The following LRRC7 variants were observed in gnomAD, a reference collection of about 807,000 sequenced individuals.
LRRC7 encodes the protein leucine rich repeat containing 7.
Under a neutral mutation model 175.7 loss-of-function variants are expected in LRRC7, and 23 were observed. That is an observed-to-expected ratio of 0.13 (90% CI 0.09 to 0.19). The LOEUF (loss-of-function observed/expected upper bound fraction) is 0.19. LRRC7 is among the 10% of genes least tolerant of loss of function. LRRC7 has a pLI of 1.00. For missense variants in LRRC7, 1,354 were observed against 1,904.7 expected, an observed-to-expected ratio of 0.71 and a Z score of 5.38; for synonymous variants, 685 against 680.9, an observed-to-expected ratio of 1.01 and a Z score of -0.09.
chr1:69,767,433 T>C (rs916295346), intron 3 of LRRC7, among the ~76,000 whole-genome samples: 1 of 152,018 alleles, frequency 6.6e-6, no homozygotes, highest in African/African-American at 2.4e-5. Flanking sequence ...TCCTCCAGTA[T>C]TTAGGGTTTT....
At chr1:69,797,632 AC>A (rs1381886064) in intron 4 of LRRC7, among the ~76,000 whole-genome samples, 1 of 152,072 alleles carries the variant, frequency 6.6e-6, no homozygotes, top group Non-Finnish European at 1.5e-5. Context: ...ACATTCATAA[AC>A]TAGTCCCATA....
chr1:69,665,739 T>G (rs1658171618), intron 1 of LRRC7, among the ~76,000 whole-genome samples: 1 of 152,146 alleles, frequency 6.6e-6, no homozygotes, highest in South Asian at 2.1e-4. Flanking sequence ...ACGTTAGATT[T>G]TTCCAAATAT....
intron 25 of LRRC7, among the ~76,000 whole-genome samples, chr1:70,097,618 C>A (rs1344857190): frequency 2.4e-5 from 3 of 124,162 alleles, no homozygotes; most frequent in Non-Finnish European, 5.0e-5. Context: ...CCCCTCCCCC[C>A]ACCCCACAAC....
chr1:70,023,403 T>C (rs749390459), intron 17 of LRRC7, 29 bp downstream of exon 17: 1 of 1,526,538 alleles, frequency 6.6e-7, no homozygotes, highest in Non-Finnish European at 8.9e-7. Context: ...GGTAGGAGAA[T>C]CTCCCATGTA....
chr1:70,076,419 T>A, intron 24 of LRRC7, 121 bp downstream of exon 24: 1 of 781,830 alleles, frequency 1.3e-6, no homozygotes, highest in Non-Finnish European at 2.1e-6. Flanking sequence ...TTGAATGGGG[T>A]AGGGCCCTCT....
intron 8 of LRRC7, among the ~76,000 whole-genome samples, chr1:69,949,566 T>TAGAG (rs10537023): frequency 1.1e-4 from 16 of 151,216 alleles, no homozygotes; most frequent in African/African-American, 3.4e-4. Context: ...CAAAGAAAAA[T>TAGAG]AGAGAGAGAG....
intron 4 of LRRC7, among the ~76,000 whole-genome samples, chr1:69,805,919 T>C (rs1325624569): frequency 6.6e-6 from 1 of 151,966 alleles, no homozygotes; most frequent in African/African-American, 2.4e-5. Context: ...TTTTGAAATC[T>C]GTCTTGGGCT....
intron 26 of LRRC7, among the ~76,000 whole-genome samples, chr1:70,114,751 G>GT (rs1171951417): frequency 6.6e-6 from 1 of 152,090 alleles, no homozygotes; most frequent in Admixed American, 6.6e-5. Flanking sequence ...TATACATTTA[G>GT]TTTTGTTCAT....
intron 1 of LRRC7, among the ~76,000 whole-genome samples, chr1:69,589,845 A>G (rs1286857560): frequency 1.3e-5 from 2 of 152,140 alleles, no homozygotes; most frequent in African/African-American, 2.4e-5. Context: ...AATAATCACA[A>G]TCTATACCTA....
chr1:70,001,065 A>T (rs567480549), intron 11 of LRRC7, among the ~76,000 whole-genome samples: 1 of 152,256 alleles, frequency 6.6e-6, no homozygotes, highest in East Asian at 1.9e-4. Context: ...CTGTCTCATA[A>T]TGTATATACC....
intron 7 of LRRC7, among the ~76,000 whole-genome samples, chr1:69,928,037 C>G (rs1445227316): frequency 3.3e-5 from 5 of 152,180 alleles, no homozygotes; most frequent in Admixed American, 2.6e-4. Flanking sequence ...GGACCCTCAG[C>G]TGCAGGTCTG....
intron 4 of LRRC7, among the ~76,000 whole-genome samples, chr1:69,821,233 G>A (rs902900480): frequency 6.6e-6 from 1 of 151,930 alleles, no homozygotes; most frequent in African/African-American, 2.4e-5. Flanking sequence ...TTCTCTTGAG[G>A]GTGTCCCATA....
chr1:69,967,221 C>A (rs890535876), intron 8 of LRRC7, among the ~76,000 whole-genome samples: 16 of 152,098 alleles, frequency 1.1e-4, no homozygotes, highest in African/African-American at 2.2e-4. Context: ...CAGAGACAGC[C>A]ATAATCCTCC....
intron 11 of LRRC7, among the ~76,000 whole-genome samples, chr1:70,011,174 T>A (rs969236231): frequency 1.3e-5 from 2 of 152,202 alleles, no homozygotes; most frequent in Admixed American, 6.5e-5. Context: ...AGAGGCAGGA[T>A]AATACAGTGA....
chr1:69,686,869 A>G (rs1232165670), intron 2 of LRRC7, among the ~76,000 whole-genome samples: 3 of 152,142 alleles, frequency 2.0e-5, no homozygotes, highest in Non-Finnish European at 4.4e-5. Flanking sequence ...TGTCCTTTAG[A>G]TGCAAAAATA....
chr1:69,793,062 A>G lies in LRRC7; in HGVS notation c.421+902A>G, dbSNP rs138338327. Among the ~76,000 whole-genome samples, 22 of 152,216 alleles carry G rather than the reference A, an allele frequency of 1.4e-4. 1 individual carries two copies. Among genetic ancestry groups the G allele is most frequent in the African/African-American group, 4.6e-4 (19 of 41,566 alleles). On this transcript the variant is annotated intron_variant, in intron 4 of 26. Coordinates refer to ENST00000651989, the MANE Select transcript of LRRC7 (RefSeq NM_001370785.2). ...CCTGTGTGTGCACCGTATCTGCACA[A>G]GTAGTGCTTTGGTTATTTATTTGGT...
intron 25 of LRRC7, among the ~76,000 whole-genome samples, chr1:70,107,045 A>G (rs896164312): frequency 6.6e-6 from 1 of 152,214 alleles, no homozygotes; most frequent in Non-Finnish European, 1.5e-5. Context: ...GTCTATCTCT[A>G]TATCATGAGC....
At chr1:70,086,754 A>T (rs1394624562) in intron 24 of LRRC7, among the ~76,000 whole-genome samples, 1 of 152,170 alleles carries the variant, frequency 6.6e-6, no homozygotes, top group Non-Finnish European at 1.5e-5. Flanking sequence ...TAAAAAATAA[A>T]TTAAAAGAAA....
At chr1:69,778,929 C>CAT (rs934736226) in intron 3 of LRRC7, among the ~76,000 whole-genome samples, 6 of 143,524 alleles carry the variant, frequency 4.2e-5, no homozygotes, top group Admixed American at 1.4e-4. Flanking sequence ...CACACACACT[C>CAT]ATATATATAC....
Sources: allele counts gnomAD v4.1 joint callset (sites outside exome capture counted in the v4.1 genomes callset), GRCh38; gene constraint gnomAD v4.1.1; transcripts MANE v1.5; gene names NCBI Gene and HGNC (gene_info 2026-07-23, HGNC 2026-07-21).